Variants in PLCXD3 observed in about 807,000 individuals in gnomAD.
PLCXD3 encodes PI-PLC X domain-containing protein 3.
Under a neutral mutation model 25.5 loss-of-function variants are expected in PLCXD3, and 19 were observed. That is an observed-to-expected ratio of 0.75 (90% CI 0.52 to 1.09). The LOEUF (loss-of-function observed/expected upper bound fraction) is 1.09, where lower values mean the gene tolerates loss of function less well. Ranked by LOEUF, PLCXD3 falls within the 50% of genes least tolerant of loss-of-function variation. PLCXD3 has a pLI of 0.00. For synonymous variants in PLCXD3, 174 were observed against 137.6 expected, an observed-to-expected ratio of 1.26 and a Z score of -1.85; for missense variants, 411 against 388.1, an observed-to-expected ratio of 1.06 and a Z score of -0.50.
Position 41,382,046 on chromosome 5 carries a change from G to A in PLCXD3, c.592C>T (p.Pro198Ser), listed in dbSNP as rs753037304. ...DYQVLVFYHS[P>S]VALEVPFLWP... ...AGAAAGGGCACTTCCAGAGCCACTG[G>A]ACTATGGTAGAAGACCAGCACTTGA... Residue 198 changes from proline (P) to serine (S), a missense_variant, in exon 2 of 3, where the codon CCA becomes TCA. Transcript: ENST00000377801. 3 of 1,613,492 alleles carry A rather than the reference G, an allele frequency of 1.9e-6. No homozygotes were observed. The highest frequency in any genetic ancestry group is 1.1e-5 in the South Asian group (1 of 91,078).
intron 1 of PLCXD3, among the ~76,000 whole-genome samples, chr5:41,490,832 T>C (rs1748650949): frequency 6.6e-6 from 1 of 152,224 alleles, no homozygotes; most frequent in African/African-American, 2.4e-5. Context: ...TCTTTTCTTC[T>C]TTATTAGTCT....
chr5:41,315,163 A>G (rs1466552587), intron 2 of PLCXD3, among the ~76,000 whole-genome samples: 1 of 152,212 alleles, frequency 6.6e-6, no homozygotes, highest in Non-Finnish European at 1.5e-5. Flanking sequence ...TTCTGACAGC[A>G]TATTGGAATG....
chr5:41,363,174 A>G (rs1206623632), intron 2 of PLCXD3, among the ~76,000 whole-genome samples: 5 of 152,152 alleles, frequency 3.3e-5, no homozygotes, highest in African/African-American at 1.2e-4. Flanking sequence ...AAACCAGGTA[A>G]ATAACTGATT....
At chr5:41,467,882 G>A (rs1202065397) in intron 1 of PLCXD3, among the ~76,000 whole-genome samples, 1 of 152,002 alleles carries the variant, frequency 6.6e-6, no homozygotes, top group Non-Finnish European at 1.5e-5. Flanking sequence ...GCATGGGTTA[G>A]GACCTTGGTT....
chr5:41,463,029 T>C (rs1401204627), intron 1 of PLCXD3, among the ~76,000 whole-genome samples: 2 of 152,024 alleles, frequency 1.3e-5, no homozygotes, highest in South Asian at 4.1e-4. Context: ...CCAGCTAGAC[T>C]GATTTGAGTA....
chr5:41,334,426 G>A (rs568607903), intron 2 of PLCXD3, among the ~76,000 whole-genome samples: 52 of 152,214 alleles, frequency 3.4e-4, no homozygotes, highest in Non-Finnish European at 6.5e-4. Flanking sequence ...GATTTGCATA[G>A]AAGAGCTGCT....
At chr5:41,381,762 A>G in intron 2 of PLCXD3, 64 bp downstream of exon 2, 1 of 1,437,068 alleles carries the variant, frequency 7.0e-7, no homozygotes, top group Non-Finnish European at 9.5e-7. Context: ...TTCATCACTT[A>G]TGAGCTCTAT....
At chr5:41,361,121 G>T (rs986244419) in intron 2 of PLCXD3, among the ~76,000 whole-genome samples, 11 of 149,368 alleles carry the variant, frequency 7.4e-5, no homozygotes, top group Non-Finnish European at 1.6e-4. Context: ...GGCCAATGAG[G>T]TTATGTTCCC....
At chr5:41,341,845 G>C (rs748951671) in intron 2 of PLCXD3, among the ~76,000 whole-genome samples, 2 of 152,152 alleles carry the variant, frequency 1.3e-5, no homozygotes, top group Non-Finnish European at 2.9e-5. Context: ...TATAAATTGT[G>C]ATGCCATCAT....
chr5:41,388,432 A>G (rs994974830), intron 1 of PLCXD3, among the ~76,000 whole-genome samples: 1 of 152,072 alleles, frequency 6.6e-6, no homozygotes, highest in African/African-American at 2.4e-5. Flanking sequence ...ATAGCCAGAT[A>G]CCATATTCAG....
At chr5:41,470,976 G>T (rs944038691) in intron 1 of PLCXD3, among the ~76,000 whole-genome samples, 8 of 152,128 alleles carry the variant, frequency 5.3e-5, no homozygotes, top group Non-Finnish European at 8.8e-5. Context: ...AGGAACTATT[G>T]CAACTGGGGA....
chr5:41,430,211 C>T (rs1435758972), intron 1 of PLCXD3, among the ~76,000 whole-genome samples: 1 of 152,096 alleles, frequency 6.6e-6, no homozygotes, highest in East Asian at 1.9e-4. Context: ...TAAAGCACTT[C>T]TAACAGTTCC....
intron 2 of PLCXD3, among the ~76,000 whole-genome samples, chr5:41,326,773 CA>C (rs1743639791): frequency 6.6e-6 from 1 of 152,206 alleles, no homozygotes; most frequent in East Asian, 1.9e-4. Flanking sequence ...ATTGATTATC[CA>C]TTTCCATGCC....
chr5:41,434,094 C>T (rs1454190787), intron 1 of PLCXD3, among the ~76,000 whole-genome samples: 1 of 152,212 alleles, frequency 6.6e-6, no homozygotes, highest in African/African-American at 2.4e-5. Flanking sequence ...AATGCCCACA[C>T]AGCTGCTGAC....
intron 2 of PLCXD3, among the ~76,000 whole-genome samples, chr5:41,355,217 A>G (rs1393494995): frequency 6.6e-6 from 1 of 152,182 alleles, no homozygotes; most frequent in Non-Finnish European, 1.5e-5. Context: ...TATATGACAG[A>G]CAGAAAATAC....
intron 1 of PLCXD3, among the ~76,000 whole-genome samples, chr5:41,383,493 G>T (rs1360463855): frequency 6.6e-6 from 1 of 152,058 alleles, no homozygotes; most frequent in African/African-American, 2.4e-5. Flanking sequence ...TTATGTCAAG[G>T]TTGCATTTTA....
chr5:41,340,899 A>G (rs1744121963), intron 2 of PLCXD3, among the ~76,000 whole-genome samples: 1 of 152,188 alleles, frequency 6.6e-6, no homozygotes, highest in Admixed American at 6.6e-5. Context: ...AATGTATTTT[A>G]TAATAGGTCT....
chr5:41,375,787 C>G (rs564942761), intron 2 of PLCXD3, among the ~76,000 whole-genome samples: 1 of 152,226 alleles, frequency 6.6e-6, no homozygotes, highest in South Asian at 2.1e-4. Context: ...TTAAATGCAG[C>G]CAGTGCTAAG....
intron 1 of PLCXD3, among the ~76,000 whole-genome samples, chr5:41,471,382 T>C (rs1208022465): frequency 6.6e-6 from 1 of 152,138 alleles, no homozygotes; most frequent in African/African-American, 2.4e-5. Flanking sequence ...TGTGAGACAT[T>C]GCACTGAATG....
Sources: allele counts gnomAD v4.1 joint callset (sites outside exome capture counted in the v4.1 genomes callset), GRCh38; gene constraint gnomAD v4.1.1; transcripts MANE v1.5; gene names NCBI Gene and HGNC (gene_info 2026-07-23, HGNC 2026-07-21).